The following GPBP1 variants were observed in gnomAD, a reference collection of about 807,000 sequenced individuals.
The protein encoded by GPBP1 is GC-rich promoter binding protein 1, also known as vasculin.
In GPBP1, 13 loss-of-function variants were observed where a neutral mutation model predicts 56.5. The ratio of observed to expected loss-of-function variants is 0.23; its 90% CI spans 0.15 to 0.37. The LOEUF (loss-of-function observed/expected upper bound fraction) is 0.37, where lower values mean the gene tolerates loss of function less well. GPBP1 is among the 10% of genes least tolerant of loss of function. The pLI, the probability that GPBP1 is intolerant of heterozygous loss-of-function variation, is 1.00. For synonymous variants in GPBP1, 204 were observed against 188.9 expected (o/e 1.08, Z -0.66); for missense variants, 477 against 572.3 (o/e 0.83, Z 1.70).
At chr5:57,232,745 C>A (rs984562935) in intron 5 of GPBP1, among the ~76,000 whole-genome samples, 1 of 152,182 alleles carries the variant, frequency 6.6e-6, no homozygotes, top group Admixed American at 6.6e-5. Flanking sequence ...TCGGTGTACT[C>A]TCATGGCAAA....
At chr5:57,193,081 C>G (rs1472288657) in intron 2 of GPBP1, among the ~76,000 whole-genome samples, 1 of 152,112 alleles carries the variant, frequency 6.6e-6, no homozygotes, top group Non-Finnish European at 1.5e-5. Flanking sequence ...CTTTGGGACG[C>G]CAAGGCGAGT....
intron 3 of GPBP1, among the ~76,000 whole-genome samples, chr5:57,225,010 T>A (rs899827614): frequency 1.3e-5 from 2 of 152,034 alleles, no homozygotes; most frequent in African/African-American, 4.8e-5. Context: ...CTCATTCACA[T>A]CTTACCTCCC....
intron 3 of GPBP1, among the ~76,000 whole-genome samples, chr5:57,223,291 T>C (rs1756033571): frequency 8.5e-5 from 13 of 152,118 alleles, no homozygotes; most frequent in Admixed American, 8.5e-4. Flanking sequence ...GGTTTCACTG[T>C]GTTAGCCAGG....
At chr5:57,250,820 C>T in intron 9 of GPBP1, 134 bp from the exon 10 acceptor site, 1 of 613,042 alleles carries the variant, frequency 1.6e-6, no homozygotes, top group Non-Finnish European at 2.7e-6. Context: ...GCTGGGATTA[C>T]AGGGGTGAGC....
chr5:57,177,997 T>C (rs1332259921), intron 2 of GPBP1, among the ~76,000 whole-genome samples: 1 of 152,152 alleles, frequency 6.6e-6, no homozygotes, highest in Non-Finnish European at 1.5e-5. Flanking sequence ...CCCTTTGTTA[T>C]AATAGACTAG....
At chr5:57,233,069 C>T (rs574930262) in intron 5 of GPBP1, among the ~76,000 whole-genome samples, 11 of 152,206 alleles carry the variant, frequency 7.2e-5, no homozygotes, top group South Asian at 6.2e-4. Context: ...AGAGGAGTCA[C>T]GTGATGCATT....
chr5:57,213,929 T>C, intron 2 of GPBP1, 145 bp from the exon 3 acceptor site: 1 of 513,978 alleles, frequency 1.9e-6, no homozygotes, highest in Admixed American at 3.7e-5. Context: ...AGTTGATCTA[T>C]TTTCTATCTC....
At chr5:57,233,673 T>C (rs1201352447) in intron 5 of GPBP1, among the ~76,000 whole-genome samples, 1 of 152,232 alleles carries the variant, frequency 6.6e-6, no homozygotes, top group Non-Finnish European at 1.5e-5. Context: ...TAAAGGTCTT[T>C]GATTCTTGTC....
intron 7 of GPBP1, 72 bp downstream of exon 7, chr5:57,246,556 A>G: frequency 7.9e-7 from 1 of 1,273,392 alleles, no homozygotes; most frequent in Non-Finnish European, 1.1e-6. Context: ...GGGAAATGTT[A>G]AAGAATTTAA....
At chr5:57,229,930 T>TGCATC (rs1561357138) in intron 3 of GPBP1, among the ~76,000 whole-genome samples, 2 of 108,206 alleles carry the variant, frequency 1.8e-5, no homozygotes, top group Non-Finnish European at 3.8e-5. Context: ...CCCATCCCGT[T>TGCATC]GCATCGCATC....
intron 10 of GPBP1, among the ~76,000 whole-genome samples, chr5:57,256,491 C>T (rs1205851498): frequency 6.7e-6 from 1 of 149,864 alleles, no homozygotes; most frequent in Non-Finnish European, 1.5e-5. Context: ...AAAGTTTTAA[C>T]CAAGTTTTTT....
At chr5:57,188,564 G>C (rs773956547) in intron 2 of GPBP1, among the ~76,000 whole-genome samples, 5 of 151,488 alleles carry the variant, frequency 3.3e-5, no homozygotes, top group Non-Finnish European at 5.9e-5. Flanking sequence ...GTGAAATCCT[G>C]TCTCTACTTA....
chr5:57,262,866 G>A lies in GPBP1; in HGVS notation c.*114G>A. Reference sequence around the variant, plus strand: ...TGTAGTGAAATACCCCATTAGAAGAGGATTTTTTGGGGGACTTCAATATGA... The same window carrying A: ...TGTAGTGAAATACCCCATTAGAAGAAGATTTTTTGGGGGACTTCAATATGA... On this transcript the variant is annotated 3_prime_UTR_variant, in exon 12 of 12. Coordinates refer to ENST00000506184, the MANE Select transcript of GPBP1 (RefSeq NM_022913.4). The A allele has an allele frequency of 1.2e-6, 1 of 864,700 alleles. No homozygotes were observed. The highest frequency in any genetic ancestry group is 2.7e-5 in the Admixed American group (1 of 36,532). 53.6% of individuals were successfully genotyped at this position (864,700 alleles called of 1,614,324 possible).
chr5:57,221,368 G>T, intron 3 of GPBP1: 1 of 1,529,054 alleles, frequency 6.5e-7, no homozygotes, highest in Non-Finnish European at 8.8e-7. Context: ...CTTATCATTT[G>T]TTAATAGGTC....
At chr5:57,261,098 A>G (rs1741876146) in intron 10 of GPBP1, 82 bp from the exon 11 acceptor site, 2 of 879,486 alleles carry the variant, frequency 2.3e-6, no homozygotes, top group African/African-American at 3.3e-5. Context: ...CTGGTGGATC[A>G]TGTTTTCTTA....
intron 8 of GPBP1, among the ~76,000 whole-genome samples, chr5:57,248,176 A>T (rs901905367): frequency 6.6e-6 from 1 of 152,132 alleles, no homozygotes; most frequent in African/African-American, 2.4e-5. Context: ...GGGATGATGG[A>T]CATTTTATTA....
chr5:57,235,577 G>C (rs1756628383), intron 5 of GPBP1, among the ~76,000 whole-genome samples: 1 of 152,176 alleles, frequency 6.6e-6, no homozygotes, highest in African/African-American at 2.4e-5. Flanking sequence ...CCAGCAATTA[G>C]TATAGATAGT....
In GPBP1 at chr5:57,176,361, GA is replaced by G; in HGVS notation, c.-91del. On this transcript the variant is annotated 5_prime_UTR_variant, in exon 2 of 12. Coordinates refer to ENST00000506184, the MANE Select transcript of GPBP1 (RefSeq NM_022913.4). ...CAAACTGGAAAATAAAGATTACAGA[GA>G]AAAAACCAACACCTTCCTGTGCAGT... 5.0e-6 allele frequency: 1 copy of G among 199,822 alleles called. No individual in the cohort carries two copies. The highest frequency in any genetic ancestry group is 1.0e-5 in the Non-Finnish European group (1 of 100,220). The allele number at this position is 199,822 out of a possible 1,614,324, so 12.4% of individuals were successfully genotyped here. A position where few individuals can be genotyped will look rare whatever the true frequency, so the allele number is the denominator to read the frequency against.
chr5:57,232,303 T>C (rs1580052376), intron 5 of GPBP1, among the ~76,000 whole-genome samples: 1 of 152,236 alleles, frequency 6.6e-6, no homozygotes. Flanking sequence ...AAAGAGACTT[T>C]CTTCCTAGTC....
Sources: allele counts gnomAD v4.1 joint callset (sites outside exome capture counted in the v4.1 genomes callset), GRCh38; gene constraint gnomAD v4.1.1; transcripts MANE v1.5; gene names NCBI Gene and HGNC (gene_info 2026-07-23, HGNC 2026-07-21).